RGMB: variants seen among roughly 807,000 people sequenced by gnomAD.
RGMB encodes repulsive guidance molecule BMP co-receptor b, also known as repulsive guidance molecule B.
A neutral mutation model predicts 26.9 loss-of-function variants in RGMB; 16 were observed. That is an observed-to-expected ratio of 0.60 (90% CI 0.40 to 0.90). RGMB has a LOEUF of 0.90. Ranked by LOEUF, RGMB falls within the 40% of genes least tolerant of loss-of-function variation. The pLI is 0.00. For synonymous variants in RGMB, 225 were observed against 229.3 expected, an observed-to-expected ratio of 0.98 and a Z score of 0.17; for missense variants, 512 against 573.3, an observed-to-expected ratio of 0.89 and a Z score of 1.09.
chr5:98,771,372 T>C (rs1490897252), upstream of RGMB, among the ~76,000 whole-genome samples: 3 of 152,196 alleles, frequency 2.0e-5, no homozygotes, highest in African/African-American at 7.2e-5. Flanking sequence ...TATAAAGTCG[T>C]TTGTAACTTG....
chr5:98,793,419 G>A lies in RGMB; in HGVS notation c.980G>A (p.Gly327Asp), dbSNP rs747529217. 9 of 1,612,206 alleles carry A rather than the reference G, an allele frequency of 5.6e-6. No individual in the cohort carries two copies. The highest frequency in any genetic ancestry group is 1.3e-5 in the African/African-American group (1 of 74,910). ...PLSERIDDGQ[G>D]QVSAILGHSL... ...AGTGAACGCATCGATGACGGGCAGG[G>A]CCAGGTGTCTGCCATCCTGGGACAC... Residue 327 changes from glycine (G) to aspartate (D), a missense_variant, in exon 3 of 3, where the codon GGC becomes GAC. Coordinates refer to ENST00000513185, the MANE Select transcript of RGMB (RefSeq NM_001366508.1).
rs1370437184 is a variant in RGMB, at chr5:98,779,650, C to T, written c.207C>T (p.His69=). 2 of 1,561,982 alleles carry T rather than the reference C, an allele frequency of 1.3e-6. No individual in the cohort carries two copies. Among genetic ancestry groups the T allele is most frequent in the Non-Finnish European group, 1.7e-6 (2 of 1,151,122 alleles). ...CGGACTTCGTGTCCCTGACTTCTCACCTGAACTCTGCCGTTGACGGCTTTG... is the reference window on the plus strand; with the variant it reads ...CGGACTTCGTGTCCCTGACTTCTCATCTGAACTCTGCCGTTGACGGCTTTG... ...CTTDFVSLTS[H]LNSAVDGFDS... The change falls in exon 2 of 3, where the codon CAC becomes CAT. Residue 69 remains histidine (H), a synonymous_variant. Transcript: ENST00000513185.
chr5:98,770,639 G>A (rs1247838540), upstream of RGMB: 1 of 1,431,584 alleles, frequency 7.0e-7, no homozygotes, highest in South Asian at 1.6e-5. Flanking sequence ...TGATCCCGCT[G>A]AGCCCCCTCC....
At chr5:98,777,191 A>G (rs1410269134) in intron 1 of RGMB, among the ~76,000 whole-genome samples, 1 of 152,094 alleles carries the variant, frequency 6.6e-6, no homozygotes, top group African/African-American at 2.4e-5. Context: ...GAATGGTTCC[A>G]TCTGCATTTC....
Position 98,795,556 on chromosome 5 carries a change from A to AT in RGMB, c.*1804dup, listed in dbSNP as rs1428481869. ...GAATAATCTTGGGCAGTCTGGGAAA[A>AT]TAAGGAAGGCATCTCCTTCTTACTC... On this transcript the variant is annotated 3_prime_UTR_variant, in exon 3 of 3. Transcript: ENST00000513185. 4.6e-5 allele frequency: 7 copies of AT among 152,196 alleles called. No homozygotes were observed. Among genetic ancestry groups the AT allele is most frequent in the African/African-American group, 1.7e-4 (7 of 41,442 alleles). The allele number at this position is 152,196 out of a possible 1,614,324, so 9.4% of individuals were successfully genotyped here.
chr5:98,774,103 C>T lies in RGMB; in HGVS notation c.33C>T (p.Ala11=). The stretch of plus-strand genomic sequence containing the variant: ...TGAGAGCAGCACCTTCCAGCGCCGC[C>T]GCTGCCGCCGCCGAGGTTGAGCAGC... The part of the protein sequence containing the change: MGLRAAPSSA[A]AAAAEVEQRR... The change falls in exon 1 of 3, where the codon GCC becomes GCT. Residue 11 remains alanine, a synonymous_variant. Coordinates refer to ENST00000513185, the MANE Select transcript of RGMB (RefSeq NM_001366508.1). 2 of 1,293,114 alleles carry T rather than the reference C, an allele frequency of 1.5e-6. No homozygotes were observed. The highest frequency in any genetic ancestry group is 2.1e-6 in the Non-Finnish European group (2 of 938,742). 80.1% of individuals were successfully genotyped at this position (1,293,114 alleles called of 1,614,324 possible). A position where few individuals can be genotyped will look rare whatever the true frequency, so the allele number is the denominator to read the frequency against.
At chr5:98,780,212 T>G in intron 2 of RGMB, 124 bp downstream of exon 2, 1 of 822,140 alleles carries the variant, frequency 1.2e-6, no homozygotes, top group Middle Eastern at 3.5e-4. Flanking sequence ...GAAAAGCAAT[T>G]AACAGTTGAT....
intron 2 of RGMB, among the ~76,000 whole-genome samples, chr5:98,783,663 A>G (rs1443673979): frequency 6.6e-6 from 1 of 152,254 alleles, no homozygotes; most frequent in Non-Finnish European, 1.5e-5. Context: ...GAATCTGTAT[A>G]TGCCATGATC....
intron 1 of RGMB, among the ~76,000 whole-genome samples, chr5:98,777,556 TG>T (rs1164763455): frequency 6.6e-6 from 1 of 152,236 alleles, no homozygotes; most frequent in East Asian, 1.9e-4. Flanking sequence ...GGCTTAATGA[TG>T]CTAGCTGTTT....
chr5:98,771,391 G>A (rs1387690447), upstream of RGMB, among the ~76,000 whole-genome samples: 1 of 152,084 alleles, frequency 6.6e-6, no homozygotes, highest in African/African-American at 2.4e-5. Context: ...TGCAGCTCAC[G>A]GGCTTGAGGA....
In RGMB at chr5:98,793,253, C is replaced by T. The variant is rs1419574738; in HGVS notation, c.814C>T (p.His272Tyr). 4 of 1,613,874 alleles carry T rather than the reference C, an allele frequency of 2.5e-6. No individual in the cohort carries two copies. In the African/African-American group the frequency reaches 4.0e-5, roughly 16 times the overall value. ...GGAGAGTGGCCACTATGTGGAGATG[C>T]ACGCCCGCTATATAGGGACCACAGT... ...ERESGHYVEM[H>Y]ARYIGTTVFV... The change falls in exon 3 of 3, where the codon CAC becomes TAC. Residue 272 changes from histidine to tyrosine, a missense_variant. Coordinates refer to ENST00000513185, the MANE Select transcript of RGMB (RefSeq NM_001366508.1).
chr5:98,791,663 A>G (rs1268242922), intron 2 of RGMB, among the ~76,000 whole-genome samples: 2 of 152,200 alleles, frequency 1.3e-5, no homozygotes, highest in Non-Finnish European at 2.9e-5. Context: ...TCAAGAAGGA[A>G]GAGAGAACCC....
chr5:98,774,308 T>G (rs1015864078), intron 1 of RGMB, 102 bp downstream of exon 1: 48 of 1,208,130 alleles, frequency 4.0e-5, no homozygotes, highest in Non-Finnish European at 5.1e-5. Context: ...AAGGGCGGCG[T>G]GGCGCAACGG....
chr5:98,778,646 C>T (rs898585955), intron 1 of RGMB, among the ~76,000 whole-genome samples: 2 of 152,154 alleles, frequency 1.3e-5, no homozygotes, highest in Admixed American at 6.5e-5. Flanking sequence ...TGGGGACACA[C>T]AACTGACCTA....
At chr5:98,781,341 C>G (rs562138962) in intron 2 of RGMB, among the ~76,000 whole-genome samples, 2 of 152,196 alleles carry the variant, frequency 1.3e-5, no homozygotes, top group East Asian at 1.9e-4. Context: ...TACTTCAACT[C>G]TCAGTAAAAG....
intron 2 of RGMB, among the ~76,000 whole-genome samples, chr5:98,789,999 G>T (rs1332635078): frequency 6.6e-6 from 1 of 152,194 alleles, no homozygotes; most frequent in Non-Finnish European, 1.5e-5. Context: ...TGTTTCTAAA[G>T]TAAGAATTAA....
Position 98,794,193 on chromosome 5 carries a change from CT to C in RGMB, c.*444del, listed in dbSNP as rs2112384699. 6.5e-6 allele frequency: 1 copy of C among 153,804 alleles called. No homozygotes were observed. Among genetic ancestry groups the C allele is most frequent in the East Asian group, 1.9e-4 (1 of 5,200 alleles). The allele number at this position is 153,804 out of a possible 1,614,324, so 9.5% of individuals were successfully genotyped here. A position where few individuals can be genotyped will look rare whatever the true frequency, so the allele number is the denominator to read the frequency against. ...GCTACTGATTTGCCACGGTGTGCAG[CT>C]TTTACTCGCCACCTTCCGGTGGAGC... On this transcript the variant is annotated 3_prime_UTR_variant, in exon 3 of 3. Transcript: ENST00000513185.
In RGMB at chr5:98,779,832, C is replaced by T. The variant is rs1192664473; in HGVS notation, c.389C>T (p.Thr130Ile). 5.0e-6 allele frequency: 8 copies of T among 1,613,928 alleles called. No homozygotes were observed. Among genetic ancestry groups the T allele is most frequent in the Non-Finnish European group, 5.9e-6 (7 of 1,179,904 alleles). Residue 130 changes from threonine to isoleucine, a missense_variant, in exon 2 of 3, where the codon ACC becomes ATC. By Grantham distance (89) the Thr-to-Ile change is moderately conservative. Transcript: ENST00000513185. ...TCCAAGGATGGACCCACATCCTCTA[C>T]CAACCCCGAAGTGACCCATGATCCT... Reference protein sequence around the residue: ...NCSKDGPTSSTNPEVTHDPCN... With the variant: ...NCSKDGPTSSINPEVTHDPCN...
At chr5:98,788,028 T>C (rs961390785) in intron 2 of RGMB, among the ~76,000 whole-genome samples, 14 of 152,234 alleles carry the variant, frequency 9.2e-5, no homozygotes, top group African/African-American at 3.4e-4. Context: ...TGCATGTATT[T>C]ATTACCTACG....
Sources: gnomAD v4.1 joint callset for allele counts (sites outside exome capture counted in the v4.1 genomes callset) on GRCh38, gnomAD v4.1.1 for gene constraint, MANE v1.5 for transcripts, NCBI Gene and HGNC (gene_info 2026-07-23, HGNC 2026-07-21) for gene names.